The following TASP1 variants were observed in gnomAD, a reference collection of about 807,000 sequenced individuals.
TASP1 encodes the protein threonine aspartase 1.
Under a neutral mutation model 56.6 loss-of-function variants are expected in TASP1, and 16 were observed. The ratio of observed to expected loss-of-function variants is 0.28; its 90% CI spans 0.19 to 0.43. TASP1 has a LOEUF of 0.43. Ranked by LOEUF, TASP1 falls within the 20% of genes least tolerant of loss-of-function variation. The pLI is 1.00. For missense variants in TASP1, 393 were observed against 511.6 expected, an observed-to-expected ratio of 0.77 and a Z score of 2.24; for synonymous variants, 179 against 184.2, an observed-to-expected ratio of 0.97 and a Z score of 0.23.
chr20:13,513,679 A>G (rs2044422041), intron 10 of TASP1, among the ~76,000 whole-genome samples: 1 of 152,280 alleles, frequency 6.6e-6, no homozygotes, highest in East Asian at 1.9e-4. Flanking sequence ...CCAGACTTGT[A>G]GATTAATAAG....
chr20:13,620,265 T>TGCACACAC (rs1555806742), intron 4 of TASP1, among the ~76,000 whole-genome samples: 1 of 145,662 alleles, frequency 6.9e-6, no homozygotes, highest in African/African-American at 2.6e-5. Context: ...CTGTGGTATT[T>TGCACACAC]ACACACACAC....
At chr20:13,241,928 G>A in the TASP1 span, among the ~76,000 whole-genome samples, 1 of 151,952 alleles carries the variant, frequency 6.6e-6, no homozygotes, top group East Asian at 1.9e-4. Flanking sequence ...AAGAGAAAGG[G>A]GCAAGCAGAG....
the TASP1 span, among the ~76,000 whole-genome samples, chr20:13,359,434 C>T: frequency 6.6e-6 from 1 of 151,816 alleles, no homozygotes; most frequent in African/African-American, 2.4e-5. Flanking sequence ...CAGCTGAAGA[C>T]TGACACTGCC....
At chr20:13,276,138 A>T in the TASP1 span, among the ~76,000 whole-genome samples, 1 of 152,244 alleles carries the variant, frequency 6.6e-6, no homozygotes, top group Non-Finnish European at 1.5e-5. Context: ...TGTTGGAGAC[A>T]GGTCCTTCAA....
chr20:13,314,073 C>T, the TASP1 span, among the ~76,000 whole-genome samples: 1 of 151,668 alleles, frequency 6.6e-6, no homozygotes, highest in Non-Finnish European at 1.5e-5. Context: ...TAGAAACCAC[C>T]AAAACTGAAA....
At chr20:13,519,673 T>C (rs1001526952) in intron 10 of TASP1, among the ~76,000 whole-genome samples, 2 of 152,156 alleles carry the variant, frequency 1.3e-5, no homozygotes, top group Non-Finnish European at 2.9e-5. Flanking sequence ...TCGTACTGAA[T>C]GGGCAAAAAC....
the TASP1 span, chr20:13,221,901 A>G: frequency 7.3e-7 from 1 of 1,376,392 alleles, no homozygotes; most frequent in South Asian, 1.7e-5. Context: ...AACGCCAGCC[A>G]AGCCCAGCTG....
chr20:13,166,006 G>A, the TASP1 span: 1 of 152,468 alleles, frequency 6.6e-6, no homozygotes, highest in African/African-American at 2.4e-5. Context: ...AACCTCTATG[G>A]AAAAGTAGCC....
chr20:13,536,876 T>G (rs528431883), intron 8 of TASP1, among the ~76,000 whole-genome samples: 16 of 152,090 alleles, frequency 1.1e-4, no homozygotes, highest in Middle Eastern at 3.4e-3. Flanking sequence ...GTATATAGCA[T>G]GATGTTTTGA....
chr20:13,390,522 T>C, intron 13 of TASP1, 70 bp from the exon 14 acceptor site: 1 of 1,425,720 alleles, frequency 7.0e-7, no homozygotes, highest in Non-Finnish European at 9.8e-7. Flanking sequence ...CCTACCCGTG[T>C]CCAAAAAAGG....
chr20:13,577,007 A>G (rs1278530575), intron 6 of TASP1, among the ~76,000 whole-genome samples: 4 of 152,194 alleles, frequency 2.6e-5, no homozygotes, highest in African/African-American at 9.7e-5. Context: ...ATCTATGCAC[A>G]TATTTATGTA....
chr20:13,132,475 C>T, the TASP1 span, among the ~76,000 whole-genome samples: 8 of 152,060 alleles, frequency 5.3e-5, no homozygotes, highest in African/African-American at 9.7e-5. Flanking sequence ...CGCACCCAGC[C>T]GCTTTAATCT....
intron 11 of TASP1, 49 bp from the exon 12 acceptor site, chr20:13,435,203 A>C (rs1326380298): frequency 2.3e-6 from 3 of 1,326,896 alleles, no homozygotes; most frequent in Non-Finnish European, 3.1e-6. Flanking sequence ...TTACTTTTTA[A>C]ATTTTCAATT....
chr20:13,455,139 A>C (rs6042122), intron 11 of TASP1, among the ~76,000 whole-genome samples: 1,694 of 152,256 alleles, frequency 0.011, 41 homozygotes, highest in African/African-American at 0.038. Flanking sequence ...AGAGCCATTA[A>C]CTTTTAAAGT....
the TASP1 span, among the ~76,000 whole-genome samples, chr20:13,331,481 A>G: frequency 6.6e-6 from 1 of 152,182 alleles, no homozygotes; most frequent in African/African-American, 2.4e-5. Flanking sequence ...ATATTTATTA[A>G]ACAATTCTAT....
intron 4 of TASP1, among the ~76,000 whole-genome samples, chr20:13,621,948 G>A (rs1303781004): frequency 6.6e-6 from 1 of 152,110 alleles, no homozygotes; most frequent in Non-Finnish European, 1.5e-5. Flanking sequence ...AGCCCTCTTT[G>A]TGTGTCTGTT....
chr20:13,438,057 T>C (rs1479180045), intron 11 of TASP1, among the ~76,000 whole-genome samples: 1 of 147,838 alleles, frequency 6.8e-6, no homozygotes. Context: ...GCCAAGTCAA[T>C]CCTAATTTAT....
chr20:13,534,746 G>A (rs117967217), intron 8 of TASP1, among the ~76,000 whole-genome samples: 136 of 152,176 alleles, frequency 8.9e-4, no homozygotes, highest in Non-Finnish European at 1.3e-3. Context: ...AAAAGTGTAC[G>A]TTCTTGGAAG....
At chr20:13,162,288 C>T in the TASP1 span, among the ~76,000 whole-genome samples, 1 of 152,134 alleles carries the variant, frequency 6.6e-6, no homozygotes, top group Non-Finnish European at 1.5e-5. Context: ...AGGAGGGACA[C>T]ACAGCATGGA....
Sources: gnomAD v4.1 joint callset for allele counts (sites outside exome capture counted in the v4.1 genomes callset) on GRCh38, gnomAD v4.1.1 for gene constraint, MANE v1.5 for transcripts, NCBI Gene and HGNC (gene_info 2026-07-23, HGNC 2026-07-21) for gene names.